NSRP1: variants seen among roughly 807,000 people sequenced by gnomAD.
NSRP1 encodes coiled-coil domain containing 55.
NSRP1 carries 24 observed loss-of-function variants against 54.7 expected under a neutral mutation model. That is an observed-to-expected ratio of 0.44 (90% confidence interval 0.32 to 0.62). The LOEUF is 0.62. Among genes scored for constraint, NSRP1 ranks in the 20% least tolerant of loss-of-function variants. The pLI is 0.06. For missense variants in NSRP1, 596 were observed against 651.2 expected (o/e 0.92, Z 0.92); for synonymous variants, 210 against 213.8 (o/e 0.98, Z 0.15).
intron 2 of NSRP1, among the ~76,000 whole-genome samples, chr17:30,162,402 T>G (rs1904553073): frequency 6.6e-6 from 1 of 152,180 alleles, no homozygotes; most frequent in African/African-American, 2.4e-5. Flanking sequence ...AATGAAAATG[T>G]TAGGGTACTC....
At chr17:30,158,417 G>A (rs904384485) in intron 2 of NSRP1, among the ~76,000 whole-genome samples, 4 of 150,494 alleles carry the variant, frequency 2.7e-5, no homozygotes, top group Admixed American at 1.3e-4. Context: ...TCATCAGGTT[G>A]TCTCTTCTGC....
Position 30,184,843 on chromosome 17 carries a change from C to T in NSRP1, c.846C>T (p.His282=), listed in dbSNP as rs1439703261. ...AGACCCCTGAGAATGACTTCAAGCA[C>T]CACAGGAGTCAAAACCACTCTCGGT... is the stretch of plus-strand genomic sequence containing the variant. ...VIETPENDFK[H]HRSQNHSRSP... Residue 282 remains histidine, a synonymous_variant, in exon 7 of 7, where the codon CAC becomes CAT. Coordinates refer to ENST00000247026, the MANE Select transcript of NSRP1 (RefSeq NM_032141.4). The T allele has an allele frequency of 6.2e-7, 1 of 1,614,010 alleles. No homozygotes were observed.
At chr17:30,150,405 CG>C (rs1289601718) in intron 2 of NSRP1, 1 of 119,342 alleles carries the variant, frequency 8.4e-6, no homozygotes, top group African/African-American at 3.2e-5. Flanking sequence ...TTTTTTGAGA[CG>C]GAGTCTCGCT....
At chr17:30,179,993 C>T (rs936831394) in intron 5 of NSRP1, among the ~76,000 whole-genome samples, 2 of 151,946 alleles carry the variant, frequency 1.3e-5, no homozygotes, top group Admixed American at 6.6e-5. Context: ...CATACCACCA[C>T]GTCTGGTTAC....
chr17:30,139,492 G>A (rs569412265), intron 2 of NSRP1, among the ~76,000 whole-genome samples: 1 of 152,136 alleles, frequency 6.6e-6, no homozygotes, highest in East Asian at 1.9e-4. Context: ...GAGTTTTATA[G>A]TTTTAGCCCT....
chr17:30,117,556 G>A (rs925981261), intron 1 of NSRP1: 3 of 395,904 alleles, frequency 7.6e-6, no homozygotes, highest in South Asian at 2.3e-4. Context: ...AGTGTAATGC[G>A]AACTTGCCCC....
intron 2 of NSRP1, among the ~76,000 whole-genome samples, chr17:30,161,826 A>G (rs879713608): frequency 2.0e-5 from 3 of 152,192 alleles, no homozygotes; most frequent in Non-Finnish European, 2.9e-5. Context: ...TTTATGTTGT[A>G]AGAGTATGTC....
chr17:30,171,975 C>CACA (rs1491360228), intron 2 of NSRP1, among the ~76,000 whole-genome samples: 1 of 114,592 alleles, frequency 8.7e-6, no homozygotes, highest in Admixed American at 9.2e-5. Flanking sequence ...CACACACACT[C>CACA]CCTCTCTCTC....
chr17:30,172,900 A>G (rs1389727942), intron 3 of NSRP1, among the ~76,000 whole-genome samples: 2 of 152,058 alleles, frequency 1.3e-5, no homozygotes, highest in African/African-American at 4.8e-5. Context: ...TAATTATTTG[A>G]AACTCATCTG....
At chr17:30,135,480 T>C (rs1199942830) in intron 2 of NSRP1, among the ~76,000 whole-genome samples, 1 of 150,018 alleles carries the variant, frequency 6.7e-6, no homozygotes, top group Non-Finnish European at 1.5e-5. Flanking sequence ...TGTTTTGTTT[T>C]GTTTTGTTTT....
rs752414101 is a variant in NSRP1 at position 30,118,073 on chromosome 17, T to C, written c.21-7T>C. ...TTTAATTTCTATTTCAAAAAAAATA[T>C]ATGCAGGTATGGGCTTATTTTGCCA... is the stretch of plus-strand genomic sequence containing the variant. On this transcript the variant is annotated splice_region_variant and splice_polypyrimidine_tract_variant and intron_variant, in intron 1 of 6. Coordinates refer to ENST00000247026, the MANE Select transcript of NSRP1 (RefSeq NM_032141.4). The C allele has an allele frequency of 3.1e-6, 5 of 1,606,584 alleles. No individual in the cohort carries two copies. The highest frequency in any genetic ancestry group is 1.7e-5 in the Admixed American group (1 of 58,560).
At chr17:30,132,366 A>C (rs943309726) in intron 2 of NSRP1, among the ~76,000 whole-genome samples, 2 of 152,020 alleles carry the variant, frequency 1.3e-5, no homozygotes, top group African/African-American at 4.8e-5. Context: ...CAGCCTGGCC[A>C]ACATGGTGAA....
chr17:30,185,164 A>C lies in NSRP1; in HGVS notation c.1167A>C (p.Gln389His). The change falls in exon 7 of 7, where the codon CAA becomes CAC. Residue 389 changes from glutamine (Q) to histidine (H), a missense_variant. Transcript: ENST00000247026. ...KREKDREKYS[Q>H]REQERDRQQN... ...AGAAAGATAGGGAGAAATATTCCCAAAGAGAACAAGAAAGAGATAGACAAC... is the reference window on the plus strand; with the variant it reads ...AGAAAGATAGGGAGAAATATTCCCACAGAGAACAAGAAAGAGATAGACAAC... 2 of 1,581,346 alleles carry C rather than the reference A, an allele frequency of 1.3e-6. No individual in the cohort carries two copies. Among genetic ancestry groups the C allele is most frequent in the Non-Finnish European group, 1.7e-6 (2 of 1,163,134 alleles).
chr17:30,138,907 G>A (rs987267038), intron 2 of NSRP1, among the ~76,000 whole-genome samples: 4 of 93,880 alleles, frequency 4.3e-5, no homozygotes, highest in African/African-American at 1.3e-4. Flanking sequence ...TCAAGTCTTA[G>A]CGTTTTTTTT....
chr17:30,118,800 G>A (rs1472300823), intron 2 of NSRP1, among the ~76,000 whole-genome samples: 1 of 150,398 alleles, frequency 6.6e-6, no homozygotes, highest in Non-Finnish European at 1.5e-5. Context: ...CCAGGCTGGA[G>A]TGCAATGCCG....
chr17:30,124,101 C>T (rs889798871), intron 2 of NSRP1, among the ~76,000 whole-genome samples: 10 of 151,108 alleles, frequency 6.6e-5, no homozygotes, highest in African/African-American at 2.0e-4. Flanking sequence ...AGCGAGACCC[C>T]GTCTCTATAA....
intron 3 of NSRP1, among the ~76,000 whole-genome samples, chr17:30,173,532 ATTAT>A (rs148505971): frequency 0.027 from 4,091 of 152,216 alleles, 157 homozygotes; most frequent in African/African-American, 0.093. Context: ...TTCATTTTGA[ATTAT>A]TTATCCTCTC....
At chr17:30,179,360 C>T (rs1454446257) in intron 5 of NSRP1, 63 bp downstream of exon 5, 10 of 1,467,072 alleles carry the variant, frequency 6.8e-6, no homozygotes, top group Non-Finnish European at 7.2e-6. Context: ...CTGTGGTTAG[C>T]TGTTTGCTCT....
At position 30,172,615 on chromosome 17, in the gene NSRP1, G is replaced by A; in HGVS notation, c.171+17G>A. ...ATGAAACAGGTAAGGTAGAAGACTG[G>A]GATAAGTGCATTCAGTGAAGCATTC... On this transcript the variant is annotated intron_variant, in intron 3 of 6. Coordinates refer to ENST00000247026, the MANE Select transcript of NSRP1 (RefSeq NM_032141.4). 1 of 1,599,388 alleles carries A rather than the reference G, an allele frequency of 6.3e-7. No homozygotes were observed. The highest frequency in any genetic ancestry group is 8.5e-7 in the Non-Finnish European group (1 of 1,171,212).
Sources: allele counts gnomAD v4.1 joint callset (sites outside exome capture counted in the v4.1 genomes callset), GRCh38; gene constraint gnomAD v4.1.1; transcripts MANE v1.5; gene names NCBI Gene and HGNC (gene_info 2026-07-23, HGNC 2026-07-21).